The following RIC3 variants were observed in gnomAD, a reference collection of about 807,000 sequenced individuals.
The protein encoded by RIC3 is RIC3 acetylcholine receptor chaperone, also known as protein RIC-3.
In RIC3, 28 loss-of-function variants were observed where a neutral mutation model predicts 27.3. The observed-to-expected ratio is 1.02, with a 90% confidence interval of 0.76 to 1.41. RIC3 has a LOEUF of 1.41. Among genes scored for constraint, RIC3 ranks in the 40% most tolerant of loss-of-function variants. RIC3 has a pLI of 0.00. For synonymous variants in RIC3, 184 were observed against 160.4 expected (o/e 1.15, Z -1.11); for missense variants, 501 against 444.7 (o/e 1.13, Z -1.14).
intron 1 of RIC3, among the ~76,000 whole-genome samples, chr11:8,146,989 G>A (rs962729227): frequency 6.6e-6 from 1 of 152,148 alleles, no homozygotes; most frequent in African/African-American, 2.4e-5. Flanking sequence ...GTGGGGAATT[G>A]GTCCTGGCAA....
At chr11:8,132,331 AAG>A (rs1344314559) in intron 4 of RIC3, among the ~76,000 whole-genome samples, 1 of 152,182 alleles carries the variant, frequency 6.6e-6, no homozygotes, top group Non-Finnish European at 1.5e-5. Context: ...GTATTACTAT[AAG>A]AGTTATTTTT....
intron 1 of RIC3, among the ~76,000 whole-genome samples, chr11:8,145,526 T>G (rs372069732): frequency 6.6e-6 from 1 of 152,138 alleles, no homozygotes; most frequent in African/African-American, 2.4e-5. Flanking sequence ...CTTGGGTAGG[T>G]ATACATCTCT....
At chr11:8,101,348 C>A, downstream of RIC3, 1 of 1,190,854 alleles carries the variant, frequency 8.4e-7, no homozygotes, top group South Asian at 1.4e-5. Context: ...CTTTGTTTTA[C>A]TTCCCTTTGT....
At chr11:8,124,342 G>C (rs1946784072) in intron 5 of RIC3, among the ~76,000 whole-genome samples, 1 of 152,142 alleles carries the variant, frequency 6.6e-6, no homozygotes, top group Admixed American at 6.5e-5. Flanking sequence ...ACATATGCAA[G>C]ACCTATACAC....
intron 1 of RIC3, among the ~76,000 whole-genome samples, chr11:8,163,227 T>C (rs1354887556): frequency 3.3e-5 from 5 of 152,036 alleles, no homozygotes; most frequent in Non-Finnish European, 7.4e-5. Context: ...AAAAAAGTAT[T>C]TGATAAAATT....
At chr11:8,097,523 T>C in the RIC3 span, 2 of 1,509,174 alleles carry the variant, frequency 1.3e-6, no homozygotes, top group Non-Finnish European at 1.8e-6. Flanking sequence ...ACCACTGACC[T>C]CTCAGTTCCT....
intron 1 of RIC3, among the ~76,000 whole-genome samples, chr11:8,147,262 G>A (rs1281910930): frequency 6.6e-6 from 1 of 152,130 alleles, no homozygotes; most frequent in African/African-American, 2.4e-5. Context: ...ATAAAACTAA[G>A]CTGTGCCCTG....
At chr11:8,101,761 A>G, downstream of RIC3, 1 of 1,413,746 alleles carries the variant, frequency 7.1e-7, no homozygotes, top group Non-Finnish European at 9.3e-7. Flanking sequence ...TGGCCCAGCC[A>G]GCCAGGAACT....
chr11:8,103,038 G>C (rs1436871889), downstream of RIC3: 1 of 152,270 alleles, frequency 6.6e-6, no homozygotes, highest in Non-Finnish European at 1.5e-5. Context: ...AAAGTTGTCT[G>C]GCTTTTTGCA....
chr11:8,103,786 C>T (rs1944403484), downstream of RIC3: 2 of 152,642 alleles, frequency 1.3e-5, no homozygotes, highest in African/African-American at 2.4e-5. Context: ...CAAGCTATTT[C>T]TCTGGATCTA....
intron 1 of RIC3, among the ~76,000 whole-genome samples, chr11:8,168,465 C>T (rs897737268): frequency 6.6e-6 from 1 of 152,128 alleles, no homozygotes; most frequent in Non-Finnish European, 1.5e-5. Flanking sequence ...TCGTACCAAG[C>T]GGCGCGTCAG....
At chr11:8,122,641 C>T (rs1032027648) in intron 5 of RIC3, among the ~76,000 whole-genome samples, 1 of 152,036 alleles carries the variant, frequency 6.6e-6, no homozygotes, top group Non-Finnish European at 1.5e-5. Flanking sequence ...GGTGAATGGA[C>T]AAATTATGGT....
chr11:8,131,900 C>CAAAAAAAA (rs796158730), intron 4 of RIC3, among the ~76,000 whole-genome samples: 2 of 26,188 alleles, frequency 7.6e-5, no homozygotes, highest in African/African-American at 2.3e-4. Flanking sequence ...GACTCCATCT[C>CAAAAAAAA]AAAAAAAAAA....
At chr11:8,148,375 C>A (rs773038150) in intron 1 of RIC3, among the ~76,000 whole-genome samples, 1 of 152,098 alleles carries the variant, frequency 6.6e-6, no homozygotes, top group African/African-American at 2.4e-5. Flanking sequence ...GGCTATTATG[C>A]ACCTTCAAAA....
intron 1 of RIC3, among the ~76,000 whole-genome samples, chr11:8,166,102 T>C (rs1336986126): frequency 6.6e-6 from 1 of 152,210 alleles, no homozygotes; most frequent in Non-Finnish European, 1.5e-5. Context: ...GAAACCCTTC[T>C]TAAGTCCCAA....
chr11:8,137,960 AATG>A (rs1447848082), intron 3 of RIC3, among the ~76,000 whole-genome samples: 1 of 151,938 alleles, frequency 6.6e-6, no homozygotes, highest in Non-Finnish European at 1.5e-5. Context: ...TGATTTTGGC[AATG>A]ATATGATTTC....
In RIC3 at chr11:8,126,795, A is replaced by G; in HGVS notation, c.534T>C (p.Thr178=). 6.2e-7 allele frequency: 1 copy of G among 1,614,112 alleles called. No homozygotes were observed. The highest frequency in any genetic ancestry group is 8.5e-7 in the Non-Finnish European group (1 of 1,180,016). Residue 178 remains threonine (T), a synonymous_variant, in exon 5 of 6, where the codon ACT becomes ACC. Transcript: ENST00000309737. Reference sequence around the variant, plus strand: ...ACCGTTTCTCTTGGTCAGAAGTCACAGTCTGTGCTCTGCTTAGAAATATCA... The same window carrying G: ...ACCGTTTCTCTTGGTCAGAAGTCACGGTCTGTGCTCTGCTTAGAAATATCA... ...VGPNGESRAQ[T]VTSDQEKRLL... is the part of the protein sequence containing the mutation.
chr11:8,101,764 C>G, downstream of RIC3: 1 of 1,400,930 alleles, frequency 7.1e-7, no homozygotes, highest in South Asian at 1.5e-5. Flanking sequence ...CCCAGCCAGC[C>G]AGGAACTGGC....
chr11:8,097,409 G>T, the RIC3 span: 2 of 1,614,218 alleles, frequency 1.2e-6, no homozygotes, highest in Non-Finnish European at 8.5e-7. Flanking sequence ...CACCTGGACC[G>T]TGAGGATGGG....
Sources: gnomAD v4.1 joint callset for allele counts (sites outside exome capture counted in the v4.1 genomes callset) on GRCh38, gnomAD v4.1.1 for gene constraint, MANE v1.5 for transcripts, NCBI Gene and HGNC (gene_info 2026-07-23, HGNC 2026-07-21) for gene names.